CDC14A: variants seen among roughly 807,000 people sequenced by gnomAD.
CDC14A encodes the protein cell division cycle 14A.
CDC14A carries 53 observed loss-of-function variants against 74.4 expected under a neutral mutation model. The ratio of observed to expected loss-of-function variants is 0.71; its 90% CI spans 0.57 to 0.89. The LOEUF is 0.89. Ranked by LOEUF, CDC14A falls within the 40% of genes least tolerant of loss-of-function variation. The pLI, the probability that CDC14A is intolerant of heterozygous loss-of-function variation, is 0.00. For synonymous variants in CDC14A, 247 were observed against 258.4 expected (o/e 0.96, Z 0.43); for missense variants, 646 against 713.7 (o/e 0.91, Z 1.08).
chr1:100,358,565 G>A (rs1401154819), intron 2 of CDC14A, among the ~76,000 whole-genome samples: 2 of 152,188 alleles, frequency 1.3e-5, no homozygotes, highest in South Asian at 2.1e-4. Context: ...TCTAGGGACT[G>A]AATTTTAAGC....
At chr1:100,475,332 A>AT (rs1668781607) in intron 10 of CDC14A, among the ~76,000 whole-genome samples, 1 of 152,018 alleles carries the variant, frequency 6.6e-6, no homozygotes, top group South Asian at 2.1e-4. Flanking sequence ...TTGTTGGGGC[A>AT]TTTTTATCAT....
At chr1:100,396,097 C>G (rs1658433853) in intron 4 of CDC14A, among the ~76,000 whole-genome samples, 1 of 152,212 alleles carries the variant, frequency 6.6e-6, no homozygotes, top group Non-Finnish European at 1.5e-5. Flanking sequence ...AGGGTAAGGA[C>G]TTTATCTGTT....
chr1:100,392,902 C>G, intron 4 of CDC14A: 1 of 594,596 alleles, frequency 1.7e-6, no homozygotes, highest in African/African-American at 1.8e-5. Flanking sequence ...CCGCAGCAGC[C>G]CACACATTCT....
intron 14 of CDC14A, 141 bp downstream of exon 14, chr1:100,498,348 G>A (rs768615980): frequency 1.6e-4 from 149 of 925,746 alleles, no homozygotes; most frequent in Non-Finnish European, 2.3e-4. Flanking sequence ...GATGTTCTGG[G>A]GCTTCCGTTC....
intron 3 of CDC14A, among the ~76,000 whole-genome samples, chr1:100,385,228 T>C (rs978249376): frequency 1.3e-5 from 2 of 152,238 alleles, no homozygotes; most frequent in Admixed American, 6.5e-5. Flanking sequence ...CATGTTTATG[T>C]AGTGCTTCTC....
At chr1:100,424,355 T>G (rs1662705623) in intron 5 of CDC14A, 54 bp downstream of exon 5, 1 of 1,221,554 alleles carries the variant, frequency 8.2e-7, no homozygotes, top group Non-Finnish European at 1.2e-6. Flanking sequence ...CTGGACACTT[T>G]AGAGTTGGGT....
At chr1:100,509,701 G>A (rs569793645) in intron 15 of CDC14A, among the ~76,000 whole-genome samples, 8 of 152,358 alleles carry the variant, frequency 5.3e-5, no homozygotes, top group East Asian at 1.9e-4. Context: ...GGATTTGCCC[G>A]TAACAGAAAC....
At chr1:100,437,267 C>A (rs912619971) in intron 5 of CDC14A, among the ~76,000 whole-genome samples, 9 of 152,142 alleles carry the variant, frequency 5.9e-5, no homozygotes, top group Admixed American at 5.9e-4. Context: ...TCTTTCTCCC[C>A]CAGAGAATAC....
At chr1:100,394,031 G>T in intron 4 of CDC14A, 2 of 257,484 alleles carry the variant, frequency 7.8e-6, no homozygotes, top group South Asian at 4.4e-5. Context: ...TGCCATTCTG[G>T]GGACCTCAGG....
chr1:100,428,954 T>A lies in CDC14A; in HGVS notation c.389+4653T>A, dbSNP rs139641468. Among the ~76,000 whole-genome samples the A allele has an allele frequency of 1.3e-3, 200 of 152,182 alleles. 1 individual carries two copies. Among genetic ancestry groups the A allele is most frequent in the African/African-American group, 4.7e-3 (197 of 41,532 alleles). On this transcript the variant is annotated intron_variant, in intron 5 of 15. Coordinates refer to ENST00000336454, the MANE Select transcript of CDC14A (RefSeq NM_003672.4). Reference sequence around the variant, plus strand: ...CGGGCGCGGTGGCTCACGCCTGTAATCCCAGTACTTTGGGAGGTGGGCGAT... The same window carrying A: ...CGGGCGCGGTGGCTCACGCCTGTAAACCCAGTACTTTGGGAGGTGGGCGAT...
chr1:100,518,268 T>A lies in CDC14A; in HGVS notation c.1773T>A (p.Tyr591Ter). 8.1e-6 allele frequency: 13 copies of A among 1,611,654 alleles called. No individual in the cohort carries two copies. Among genetic ancestry groups the A allele is most frequent in the Non-Finnish European group, 9.3e-6 (11 of 1,178,024 alleles). ...CTGCACAGTCCCTTCAGTCTGAATA[T>A]GTTCATTACTAAGGCCTTGCCACTC... ...SRSIPSLQSE[Y>*]VHY Residue 591 changes from tyrosine (Y) to a stop codon, truncating the protein, a stop_gained, in exon 16 of 16, where the codon TAT becomes TAA. Transcript: ENST00000336454. LOFTEE classifies it high-confidence loss of function.
At chr1:100,348,022 G>A (rs1309525618), upstream of CDC14A, among the ~76,000 whole-genome samples, 1 of 152,126 alleles carries the variant, frequency 6.6e-6, no homozygotes, top group Non-Finnish European at 1.5e-5. Context: ...AGTGGTTCAT[G>A]CCTGTAATCC....
chr1:100,486,610 G>C (rs772066498), intron 11 of CDC14A, among the ~76,000 whole-genome samples: 1 of 152,164 alleles, frequency 6.6e-6, no homozygotes, highest in Non-Finnish European at 1.5e-5. Flanking sequence ...ATGGCAAAAA[G>C]GGCAAACAAA....
chr1:100,511,090 TG>T (rs1557840968), intron 15 of CDC14A, among the ~76,000 whole-genome samples: 1 of 151,902 alleles, frequency 6.6e-6, no homozygotes, highest in African/African-American at 2.4e-5. Context: ...CTACCTGTAC[TG>T]TTCTTTCCAG....
In CDC14A at chr1:100,519,296, A is replaced by G. The variant is rs988846880; in HGVS notation, c.*1016A>G. On this transcript the variant is annotated 3_prime_UTR_variant, in exon 16 of 16. Coordinates refer to ENST00000336454, the MANE Select transcript of CDC14A (RefSeq NM_003672.4). ...CTCTGTATTAAAGGAGATATTTTTA[A>G]AACAGGGTACAACCCCCTGCTGCAC... The G allele has an allele frequency of 2.6e-5, 4 of 152,136 alleles. No homozygotes were observed. The highest frequency in any genetic ancestry group is 9.7e-5 in the African/African-American group (4 of 41,446). The allele number at this position is 152,136 out of a possible 1,614,324, so 9.4% of individuals were successfully genotyped here. A position where few individuals can be genotyped will look rare whatever the true frequency, so the allele number is the denominator to read the frequency against.
At chr1:100,396,160 C>G (rs573636320) in intron 4 of CDC14A, among the ~76,000 whole-genome samples, 38 of 152,280 alleles carry the variant, frequency 2.5e-4, no homozygotes, top group Admixed American at 6.5e-4. Context: ...GGGGTTAGGC[C>G]GGGTATTCAC....
intron 11 of CDC14A, among the ~76,000 whole-genome samples, chr1:100,487,596 A>AAAACAAAAC (rs1318092169): frequency 7.4e-6 from 1 of 134,658 alleles, no homozygotes; most frequent in Non-Finnish European, 1.5e-5. Context: ...AAAACAAAAC[A>AAAACAAAAC]AAAAACAAAA....
chr1:100,363,991 A>G (rs1653175156), intron 2 of CDC14A, among the ~76,000 whole-genome samples: 2 of 152,022 alleles, frequency 1.3e-5, no homozygotes, highest in African/African-American at 4.8e-5. Context: ...TTAGCCAGGC[A>G]TGTTCCACAT....
Position 100,443,001 on chromosome 1 carries a change from G to T in CDC14A, c.519+5G>T. On this transcript the variant is annotated splice_donor_5th_base_variant and intron_variant, in intron 7 of 15. Coordinates refer to ENST00000336454, the MANE Select transcript of CDC14A (RefSeq NM_003672.4). ...GATGAATATGAACATTATGAGGTTT[G>T]TACATTTAATTTTTTTTACAAAACA... The T allele has an allele frequency of 1.3e-6, 2 of 1,563,204 alleles. No homozygotes were observed. Among genetic ancestry groups the T allele is most frequent in the Non-Finnish European group, 1.8e-6 (2 of 1,137,132 alleles).
Sources: gnomAD v4.1 joint callset for allele counts (sites outside exome capture counted in the v4.1 genomes callset) on GRCh38, gnomAD v4.1.1 for gene constraint, MANE v1.5 for transcripts, NCBI Gene and HGNC (gene_info 2026-07-23, HGNC 2026-07-21) for gene names.